LIN52: variants seen among roughly 807,000 people sequenced by gnomAD.
LIN52 encodes protein lin-52 homolog.
LIN52 carries 4 observed loss-of-function variants against 18.5 expected under a neutral mutation model. That is an observed-to-expected ratio of 0.22 (90% confidence interval 0.11 to 0.49). The LOEUF (loss-of-function observed/expected upper bound fraction) is 0.49. Ranked by LOEUF, LIN52 falls within the 20% of genes least tolerant of loss-of-function variation. LIN52 has a pLI of 0.97. For missense variants in LIN52, 102 were observed against 139.5 expected, an observed-to-expected ratio of 0.73 and a Z score of 1.35; for synonymous variants, 34 against 45.5, an observed-to-expected ratio of 0.75 and a Z score of 1.02.
chr14:74,127,800 T>C (rs8020019), intron 5 of LIN52, among the ~76,000 whole-genome samples: 84,012 of 151,796 alleles, frequency 0.55, 24,355 homozygotes, highest in East Asian at 0.89. Context: ...TGATCTTGAA[T>C]TCCTGGCCTC....
chr14:74,103,077 G>A (rs1416952583), intron 5 of LIN52, among the ~76,000 whole-genome samples: 1 of 152,074 alleles, frequency 6.6e-6, no homozygotes, highest in East Asian at 1.9e-4. Flanking sequence ...TTCTTTTGCT[G>A]TTTTGTTTTG....
chr14:74,183,456 A>G (rs914220818), intron 5 of LIN52, among the ~76,000 whole-genome samples: 1 of 151,950 alleles, frequency 6.6e-6, no homozygotes, highest in African/African-American at 2.4e-5. Flanking sequence ...CCAATTAATC[A>G]TCCCTGTCTC....
chr14:74,094,885 A>G (rs868039917), intron 2 of LIN52, among the ~76,000 whole-genome samples: 50 of 151,300 alleles, frequency 3.3e-4, no homozygotes, highest in African/African-American at 1.1e-3. Flanking sequence ...ATGCCGCCAC[A>G]CCCAGCTAAT....
intron 5 of LIN52, among the ~76,000 whole-genome samples, chr14:74,186,060 G>A (rs1406941784): frequency 6.6e-6 from 1 of 152,234 alleles, no homozygotes; most frequent in Admixed American, 6.5e-5. Context: ...AAGCCGAGGT[G>A]GCTGGATCAC....
chr14:74,100,405 A>G (rs2060845593), intron 4 of LIN52, among the ~76,000 whole-genome samples: 1 of 152,108 alleles, frequency 6.6e-6, no homozygotes, highest in South Asian at 2.1e-4. Flanking sequence ...CCTCCTGGTG[A>G]TCCTCCCATC....
At chr14:74,193,534 C>T (rs984383225) in intron 5 of LIN52, among the ~76,000 whole-genome samples, 6 of 152,126 alleles carry the variant, frequency 3.9e-5, no homozygotes, top group Non-Finnish European at 5.9e-5. Flanking sequence ...ACATGTAGGG[C>T]AATATGTCTT....
At chr14:74,096,432 A>T (rs1436260767) in intron 3 of LIN52, among the ~76,000 whole-genome samples, 1 of 151,898 alleles carries the variant, frequency 6.6e-6, no homozygotes, top group Non-Finnish European at 1.5e-5. Flanking sequence ...GGTTCAAGTG[A>T]TCCTCCTGCT....
chr14:74,161,452 G>A (rs780271299), intron 5 of LIN52, among the ~76,000 whole-genome samples: 12 of 152,196 alleles, frequency 7.9e-5, no homozygotes, highest in Non-Finnish European at 1.5e-4. Flanking sequence ...TCTCAAAAGT[G>A]CTGGGATTAC....
chr14:74,155,385 G>A (rs555355681), intron 5 of LIN52, among the ~76,000 whole-genome samples: 2 of 152,382 alleles, frequency 1.3e-5, no homozygotes, highest in South Asian at 4.1e-4. Flanking sequence ...TGGAAGCAGA[G>A]CAGTGAAATA....
chr14:74,137,622 C>G (rs1198090037), intron 5 of LIN52, among the ~76,000 whole-genome samples: 3 of 151,268 alleles, frequency 2.0e-5, no homozygotes, highest in African/African-American at 7.3e-5. Flanking sequence ...CCTCAGCCTC[C>G]CGAGTAGCTG....
intron 5 of LIN52, among the ~76,000 whole-genome samples, chr14:74,158,958 A>T (rs2061212647): frequency 6.6e-6 from 1 of 152,060 alleles, no homozygotes; most frequent in Non-Finnish European, 1.5e-5. Context: ...GATGGTTATA[A>T]TTTTCCTCCC....
At chr14:74,099,277 A>AT (rs893663099) in intron 4 of LIN52, among the ~76,000 whole-genome samples, 2 of 151,852 alleles carry the variant, frequency 1.3e-5, no homozygotes, top group African/African-American at 4.9e-5. Context: ...GATAAATGAG[A>AT]TTAAAAAAAA....
chr14:74,137,498 C>CTCTTTTTT lies in LIN52; in HGVS notation c.283+36261_283+36262insCTTTTTTT, dbSNP rs776969152. ...GCACTAAATTCTTCACAGCAGCTCTCTTTTTTTTTTTTTTTTTTGAGATGG... is the reference window on the plus strand; with the variant it reads ...GCACTAAATTCTTCACAGCAGCTCTCTCTTTTTTTTTTTTTTTTTTTTTTTTGAGATGG... On this transcript the variant is annotated intron_variant, in intron 5 of 5. Transcript: ENST00000555028. Among the ~76,000 whole-genome samples the CTCTTTTTT allele has an allele frequency of 8.1e-5, 9 of 111,604 alleles. 1 individual carries two copies. The highest frequency in any genetic ancestry group is 2.2e-4 in the African/African-American group (6 of 26,874). 73.2% of individuals were successfully genotyped at this position (111,604 alleles called of 152,430 possible).
At chr14:74,112,916 G>A (rs566322528) in intron 5 of LIN52, among the ~76,000 whole-genome samples, 2 of 152,160 alleles carry the variant, frequency 1.3e-5, no homozygotes, top group African/African-American at 2.4e-5. Context: ...GGGAGAAGAG[G>A]CAATTGCATT....
At chr14:74,103,721 C>T (rs1326026025) in intron 5 of LIN52, among the ~76,000 whole-genome samples, 82 of 140,722 alleles carry the variant, frequency 5.8e-4, no homozygotes, top group Admixed American at 2.0e-3. Context: ...TGTGAGCCAC[C>T]GGGCCTGGCC....
chr14:74,159,537 C>T (rs766567863), intron 5 of LIN52, among the ~76,000 whole-genome samples: 2 of 149,458 alleles, frequency 1.3e-5, no homozygotes, highest in Non-Finnish European at 3.0e-5. Context: ...AGCCATGGTT[C>T]TTAACCTAGA....
intron 5 of LIN52, among the ~76,000 whole-genome samples, chr14:74,171,360 G>GT (rs1243328601): frequency 1.4e-5 from 2 of 145,974 alleles, no homozygotes; most frequent in African/African-American, 5.1e-5. Context: ...GTGAGAGCCT[G>GT]TCTAAAAAAA....
chr14:74,103,519 A>G (rs547651441), intron 5 of LIN52, among the ~76,000 whole-genome samples: 14 of 133,826 alleles, frequency 1.0e-4, no homozygotes, highest in African/African-American at 3.3e-4. Context: ...TGCAACCTCC[A>G]CCTCCCAGGT....
intron 5 of LIN52, among the ~76,000 whole-genome samples, chr14:74,136,659 T>C (rs1330613481): frequency 6.6e-6 from 1 of 152,198 alleles, no homozygotes; most frequent in Non-Finnish European, 1.5e-5. Context: ...AATAAAATAT[T>C]ATTTGGATAA....
Sources: gnomAD v4.1 joint callset for allele counts (sites outside exome capture counted in the v4.1 genomes callset) on GRCh38, gnomAD v4.1.1 for gene constraint, MANE v1.5 for transcripts, NCBI Gene and HGNC (gene_info 2026-07-23, HGNC 2026-07-21) for gene names.